Variants in UBR3 observed in about 807,000 individuals in gnomAD.
UBR3 encodes ubiquitin protein ligase E3 component n-recognin 3.
In UBR3, 85 loss-of-function variants were observed where a neutral mutation model predicts 243.2. That is an observed-to-expected ratio of 0.35 (90% CI 0.29 to 0.42). UBR3 has a LOEUF of 0.42. UBR3 is among the 10% of genes least tolerant of loss of function. UBR3 has a pLI of 1.00. For synonymous variants in UBR3, 748 were observed against 799.8 expected, an observed-to-expected ratio of 0.94 and a Z score of 1.09; for missense variants, 1,686 against 2,300.8, an observed-to-expected ratio of 0.73 and a Z score of 5.47.
chr2:169,859,081 CTTTTTTTTTTT>C, intron 1 of UBR3, among the ~76,000 whole-genome samples: 1 of 99,738 alleles, frequency 1.0e-5, no homozygotes, highest in Non-Finnish European at 2.0e-5. Context: ...CTCACCATGG[CTTTTTTTTTTT>C]TTTTTTTTTT....
intron 36 of UBR3, 112 bp downstream of exon 36, chr2:170,073,719 C>A: frequency 7.0e-6 from 8 of 1,150,788 alleles, no homozygotes; most frequent in South Asian, 3.4e-5. Context: ...AATTATAAAA[C>A]TTGATTAAAT....
intron 1 of UBR3, among the ~76,000 whole-genome samples, chr2:169,828,438 C>G (rs2081817594): frequency 6.6e-6 from 1 of 152,004 alleles, no homozygotes; most frequent in South Asian, 2.1e-4. Flanking sequence ...TGGGAAGAGA[C>G]TTAGGTTGTG....
chr2:170,008,763 G>A, intron 28 of UBR3, 41 bp from the exon 29 acceptor site: 1 of 982,076 alleles, frequency 1.0e-6, no homozygotes, highest in African/African-American at 1.7e-5. Context: ...ATTAAAGAAA[G>A]TGAATATAAA....
intron 23 of UBR3, among the ~76,000 whole-genome samples, chr2:169,957,429 G>A (rs897662142): frequency 1.3e-5 from 2 of 152,010 alleles, no homozygotes; most frequent in Non-Finnish European, 2.9e-5. Context: ...GGATGAAGCT[G>A]GAAACCGTCA....
In UBR3 at chr2:170,019,339, A is replaced by C. The variant is rs138725777; in HGVS notation, c.4453+3973A>C. ...AACCCAGCTTAGATCTGTGCAGGCA[A>C]CTTAAAATAGTTCTACTTGCTCAAA... On this transcript the variant is annotated intron_variant, in intron 30 of 38. Transcript: ENST00000272793. 2.4e-3 allele frequency among the ~76,000 whole-genome samples: 361 copies of C among 152,344 alleles called. 1 individual carries two copies. Among genetic ancestry groups the C allele is most frequent in the African/African-American group, 8.2e-3 (341 of 41,588 alleles).
intron 5 of UBR3, among the ~76,000 whole-genome samples, chr2:169,883,066 A>G (rs747445444): frequency 6.6e-6 from 1 of 152,198 alleles, no homozygotes; most frequent in Non-Finnish European, 1.5e-5. Context: ...CCAAAGCTTT[A>G]TGTCTTAAAA....
chr2:169,856,838 G>C (rs2082888415), intron 1 of UBR3, among the ~76,000 whole-genome samples: 1 of 151,640 alleles, frequency 6.6e-6, no homozygotes, highest in South Asian at 2.1e-4. Flanking sequence ...GGAGAGGGAG[G>C]GGGAGGGGGA....
chr2:169,925,691 T>A lies in UBR3; in HGVS notation c.2095T>A (p.Tyr699Asn). 6.4e-7 allele frequency: 1 copy of A among 1,551,112 alleles called. No individual in the cohort carries two copies. The highest frequency in any genetic ancestry group is 8.7e-7 in the Non-Finnish European group (1 of 1,146,632). ...GLQIKGQAMT[Y>N]VQSHFCNSMI... ...GCAAATCAAAGGACAAGCCATGACG[T>A]ATGTCCAGTCTCATTTCTGTAATTC... Residue 699 changes from tyrosine to asparagine, a missense_variant, in exon 14 of 39, where the codon TAT becomes AAT. Tyr to Asn is a moderately radical substitution (Grantham distance 143). Transcript: ENST00000272793.
intron 16 of UBR3, 82 bp from the exon 17 acceptor site, chr2:169,927,238 G>A (rs558502669): frequency 1.6e-6 from 2 of 1,259,694 alleles, no homozygotes; most frequent in South Asian, 1.4e-5. Flanking sequence ...TGGTAAAACA[G>A]CTTAGTAAAA....
intron 30 of UBR3, among the ~76,000 whole-genome samples, chr2:170,024,279 G>A (rs767099911): frequency 1.0e-4 from 15 of 149,454 alleles, no homozygotes; most frequent in South Asian, 2.1e-4. Flanking sequence ...GCTTGAATCC[G>A]GGAGCTGGAG....
intron 35 of UBR3, among the ~76,000 whole-genome samples, chr2:170,071,194 A>G (rs576106567): frequency 2.0e-5 from 3 of 152,336 alleles, no homozygotes; most frequent in South Asian, 2.1e-4. Context: ...GCATATGCTT[A>G]CTATACAACC....
intron 30 of UBR3, among the ~76,000 whole-genome samples, chr2:170,023,059 A>C (rs573247205): frequency 6.6e-6 from 1 of 152,220 alleles, no homozygotes; most frequent in African/African-American, 2.4e-5. Flanking sequence ...CCATTTCCTC[A>C]CTTTGATTAT....
Position 170,001,311 on chromosome 2 carries a change from G to A in UBR3, c.3926G>A (p.Cys1309Tyr), listed in dbSNP as rs1258510646. Residue 1309 changes from cysteine to tyrosine, a missense_variant, in exon 27 of 39, where the codon TGT (cysteine) becomes TAT (tyrosine). This residue lies in a region of UBR3 where 156 missense variants were observed against 246.3 expected (regional missense o/e 0.63). Transcript: ENST00000272793. ...LLQRYFKDSS[C>Y]LLAVSIGWEG... The stretch of plus-strand genomic sequence containing the variant: ...CTTCTTTTTATTTTGAAGAGTTCAT[G>A]TCTCTTGGCAGTATCAATTGGCTGG... The A allele has an allele frequency of 6.2e-7, 1 of 1,609,218 alleles. No homozygotes were observed. Among genetic ancestry groups the A allele is most frequent in the Non-Finnish European group, 8.5e-7 (1 of 1,176,074 alleles).
At position 169,878,982 on chromosome 2, in the gene UBR3, T is replaced by C. The variant is rs951800484; in HGVS notation, c.1038+408T>C. On this transcript the variant is annotated intron_variant, in intron 5 of 38. Transcript: ENST00000272793. ...TTATTAAAAGACTATGAAATGGAAC[T>C]GTTTTTCTAATCGTATAATAAAGTT... Among the ~76,000 whole-genome samples, 5 of 152,306 alleles carry C rather than the reference T, an allele frequency of 3.3e-5. No individual in the cohort carries two copies. In the South Asian group the frequency reaches 6.2e-4, roughly 19 times the overall value.
intron 10 of UBR3, among the ~76,000 whole-genome samples, chr2:169,910,902 T>A (rs190615307): frequency 6.6e-6 from 1 of 152,160 alleles, no homozygotes; most frequent in Non-Finnish European, 1.5e-5. Context: ...CCAAAGCTTT[T>A]TAGCTGCAGT....
At chr2:169,838,824 G>A (rs759428362) in intron 1 of UBR3, among the ~76,000 whole-genome samples, 1 of 151,694 alleles carries the variant, frequency 6.6e-6, no homozygotes. Flanking sequence ...TCAAAGATAC[G>A]CTTCATCCTG....
Position 169,829,124 on chromosome 2 carries a change from CTT to C in UBR3, c.545+1076_545+1077del, listed in dbSNP as rs541009813. ...CTTAGGATTAATGACAGAGTACAATCTTTTTATAAATGGTCACCTTTTTCTTC... is the reference window on the plus strand; with the variant it reads ...CTTAGGATTAATGACAGAGTACAATCTTTATAAATGGTCACCTTTTTCTTC... On this transcript the variant is annotated intron_variant, in intron 1 of 38. Transcript: ENST00000272793. 1.1e-4 allele frequency among the ~76,000 whole-genome samples: 17 copies of C among 152,298 alleles called. No individual in the cohort carries two copies. The South Asian group carries it at 3.5e-3, about 32-fold the overall frequency.
At position 169,836,063 on chromosome 2, in the gene UBR3, ATATATTTTTTTTTT is replaced by A. The variant is rs1454145098; in HGVS notation, c.545+8013_545+8026del. On this transcript the variant is annotated intron_variant, in intron 1 of 38. Transcript: ENST00000272793. Reference sequence around the variant, plus strand: ...TCTCTCTATATATATATATATATATATATATTTTTTTTTTTTTTTTTTTTTTTTTTGAGATGGAA... The same window carrying A: ...TCTCTCTATATATATATATATATATATTTTTTTTTTTTTTTTGAGATGGAA... Among the ~76,000 whole-genome samples the A allele has an allele frequency of 1.2e-3, 31 of 26,608 alleles. 2 individuals are homozygous for A. Among genetic ancestry groups the A allele is most frequent in the Non-Finnish European group, 2.3e-3 (29 of 12,698 alleles). 17.5% of individuals were successfully genotyped at this position (26,608 alleles called of 152,430 possible).
intron 24 of UBR3, chr2:169,964,441 C>A: frequency 2.1e-6 from 1 of 469,286 alleles, no homozygotes. Flanking sequence ...AGCAACGTAC[C>A]CAGAGCAGAT....
Sources: allele counts gnomAD v4.1 joint callset (sites outside exome capture counted in the v4.1 genomes callset), GRCh38; gene constraint gnomAD v4.1.1; regional missense constraint gnomAD v4.1.1; transcripts MANE v1.5; gene names NCBI Gene and HGNC (gene_info 2026-07-23, HGNC 2026-07-21).